Variants in KIAA1217 observed in about 807,000 individuals in gnomAD.
The protein encoded by KIAA1217 is KIAA1217.
In KIAA1217, 88 loss-of-function variants were observed where a neutral mutation model predicts 163.9. That is an observed-to-expected ratio of 0.54 (90% CI 0.45 to 0.64). KIAA1217 has a LOEUF of 0.64. Ranked by LOEUF, KIAA1217 falls within the 30% of genes least tolerant of loss-of-function variation. The pLI, the probability that KIAA1217 is intolerant of heterozygous loss-of-function variation, is 0.00. For missense variants in KIAA1217, 2,372 were observed against 2,475.0 expected (o/e 0.96, Z 0.88); for synonymous variants, 903 against 923.1 (o/e 0.98, Z 0.39).
At chr10:24,019,996 A>G (rs1268479153) in intron 2 of KIAA1217, among the ~76,000 whole-genome samples, 1 of 152,092 alleles carries the variant, frequency 6.6e-6, no homozygotes, top group African/African-American at 2.4e-5. Context: ...GTGAAACTGC[A>G]TAACAAGAAT....
chr10:24,459,132 A>G (rs918512648), intron 5 of KIAA1217, among the ~76,000 whole-genome samples: 1 of 152,168 alleles, frequency 6.6e-6, no homozygotes, highest in African/African-American at 2.4e-5. Flanking sequence ...GTCCGAGAGT[A>G]ACTCACTGGT....
At chr10:24,384,451 G>A (rs2053741575) in intron 3 of KIAA1217, among the ~76,000 whole-genome samples, 1 of 152,120 alleles carries the variant, frequency 6.6e-6, no homozygotes, top group African/African-American at 2.4e-5. Flanking sequence ...AATGAAATGA[G>A]ACCGACACAT....
At chr10:24,341,620 C>A (rs746534767) in intron 2 of KIAA1217, among the ~76,000 whole-genome samples, 19 of 151,768 alleles carry the variant, frequency 1.3e-4, no homozygotes, top group Non-Finnish European at 2.8e-4. Context: ...TGCGTCATAG[C>A]CAAAGACTCC....
intron 2 of KIAA1217, among the ~76,000 whole-genome samples, chr10:24,038,551 T>A (rs1848491290): frequency 6.6e-6 from 1 of 152,038 alleles, no homozygotes; most frequent in South Asian, 2.1e-4. Context: ...CCCTACAAAA[T>A]GGAAGGAGCA....
rs776733417 is a variant in KIAA1217 at position 24,520,188 on chromosome 10, T to G, written c.2243T>G (p.Leu748Arg). 1 of 1,614,020 alleles carries G rather than the reference T, an allele frequency of 6.2e-7. No individual in the cohort carries two copies. Among genetic ancestry groups the G allele is most frequent in the African/African-American group, 1.3e-5 (1 of 74,914 alleles). Residue 748 changes from leucine (L) to arginine (R), a missense_variant, in exon 11 of 21, where the codon CTG becomes CGG. Around this residue, in one of 3 missense-constraint regions of KIAA1217, gnomAD observed 1,431 missense variants for 1,470.3 expected, o/e 0.97. Transcript: ENST00000376454. ...ACGGCAGCCAGCCGATTGGTTACTC[T>G]GAAAGACGTGGAAGACGGGGCTTTC... ...DSTAASRLVT[L>R]KDVEDGAFLL...
At chr10:23,743,858 G>T (rs1839254832) in intron 1 of KIAA1217, among the ~76,000 whole-genome samples, 1 of 151,688 alleles carries the variant, frequency 6.6e-6, no homozygotes, top group African/African-American at 2.4e-5. Flanking sequence ...TGAATGTTTG[G>T]TTAATAGGAC....
At chr10:24,228,081 C>T (rs867287131) in intron 2 of KIAA1217, among the ~76,000 whole-genome samples, 3 of 151,974 alleles carry the variant, frequency 2.0e-5, no homozygotes, top group African/African-American at 7.3e-5. Flanking sequence ...TTGAGACCAG[C>T]CTGGGCAACA....
intron 1 of KIAA1217, among the ~76,000 whole-genome samples, chr10:23,920,652 A>T (rs1456114350): frequency 6.6e-6 from 1 of 151,970 alleles, no homozygotes; most frequent in Non-Finnish European, 1.5e-5. Flanking sequence ...TAGTTGTCTG[A>T]CCTCCTTTTG....
chr10:23,892,833 GCCATCATCAACAAACCA>G (rs1841472360), intron 1 of KIAA1217, among the ~76,000 whole-genome samples: 1 of 151,844 alleles, frequency 6.6e-6, no homozygotes, highest in Non-Finnish European at 1.5e-5. Context: ...AATAAGTAAT[GCCATCATCAACAAACCA>G]CGACCTGGTT....
At chr10:24,100,839 G>A (rs12249365) in intron 2 of KIAA1217, among the ~76,000 whole-genome samples, 4,538 of 152,058 alleles carry the variant, frequency 0.03, 214 homozygotes, top group African/African-American at 0.1. Context: ...ATTAGATATT[G>A]TTTGTTTGTT....
chr10:24,256,986 T>C (rs1404712458), intron 2 of KIAA1217, among the ~76,000 whole-genome samples: 1 of 152,190 alleles, frequency 6.6e-6, no homozygotes, highest in Non-Finnish European at 1.5e-5. Context: ...GAAGGTATTT[T>C]GGACTGAGCA....
intron 2 of KIAA1217, among the ~76,000 whole-genome samples, chr10:24,095,150 G>A (rs796217454): frequency 2.8e-4 from 43 of 152,098 alleles, no homozygotes; most frequent in Non-Finnish European, 1.9e-4. Flanking sequence ...CCCTTTCCTT[G>A]ACCAGGAAAG....
chr10:23,986,916 G>A (rs1358221271), intron 1 of KIAA1217, among the ~76,000 whole-genome samples: 1 of 152,168 alleles, frequency 6.6e-6, no homozygotes, highest in Non-Finnish European at 1.5e-5. Flanking sequence ...ACAACGGTTA[G>A]CAAAGTGTAG....
At chr10:23,818,010 C>CACATATATATAT in intron 1 of KIAA1217, among the ~76,000 whole-genome samples, 1 of 79,738 alleles carries the variant, frequency 1.3e-5, no homozygotes, top group South Asian at 4.2e-4. Flanking sequence ...TATATATATA[C>CACATATATATAT]ACACATATAT....
intron 6 of KIAA1217, among the ~76,000 whole-genome samples, chr10:24,492,462 A>G (rs2133717729): frequency 6.6e-6 from 1 of 152,226 alleles, no homozygotes; most frequent in Admixed American, 6.5e-5. Flanking sequence ...ACCGTTTGAG[A>G]TTTCTTATTT....
At position 24,528,137 on chromosome 10, in the gene KIAA1217, A is replaced by G. The variant is rs777196531; in HGVS notation, c.3082+18A>G. On this transcript the variant is annotated intron_variant, in intron 14 of 20. Coordinates refer to ENST00000376454, the MANE Select transcript of KIAA1217 (RefSeq NM_019590.5). ...ACTTTCAGGTAAGTTCCGGTCCCAC[A>G]GCAGGAATATATGGAGGTACATGGC... The G allele has an allele frequency of 4.5e-5, 72 of 1,612,392 alleles. No individual in the cohort carries two copies. Among genetic ancestry groups the G allele is most frequent in the Non-Finnish European group, 2.5e-6 (3 of 1,178,928 alleles).
chr10:24,545,616 T>C (rs1273968597), intron 20 of KIAA1217: 1 of 1,386,670 alleles, frequency 7.2e-7, no homozygotes, highest in Non-Finnish European at 9.3e-7. Flanking sequence ...GTATTCTTCC[T>C]TTCCTCCTTT....
At chr10:23,806,371 T>C (rs112012924) in intron 1 of KIAA1217, among the ~76,000 whole-genome samples, 1 of 152,234 alleles carries the variant, frequency 6.6e-6, no homozygotes, top group African/African-American at 2.4e-5. Context: ...TGAATGACTT[T>C]TTTACATTAA....
chr10:24,540,558 C>G (rs2074877183), intron 17 of KIAA1217, among the ~76,000 whole-genome samples: 1 of 152,178 alleles, frequency 6.6e-6, no homozygotes, highest in South Asian at 2.1e-4. Flanking sequence ...GGGAATGGCA[C>G]AGGCCATGAC....
Sources: gnomAD v4.1 joint callset for allele counts (sites outside exome capture counted in the v4.1 genomes callset) on GRCh38, gnomAD v4.1.1 for gene constraint, gnomAD v4.1.1 regional missense constraint, MANE v1.5 for transcripts, NCBI Gene and HGNC (gene_info 2026-07-23, HGNC 2026-07-21) for gene names.